TSHZ2: variants seen among roughly 807,000 people sequenced by gnomAD.
TSHZ2 encodes teashirt homolog 2.
Under a neutral mutation model 74.4 loss-of-function variants are expected in TSHZ2, and 21 were observed. That is an observed-to-expected ratio of 0.28 (90% confidence interval 0.20 to 0.41). The LOEUF (loss-of-function observed/expected upper bound fraction) is 0.41. TSHZ2 is among the 10% of genes least tolerant of loss of function. TSHZ2 has a pLI of 1.00. For missense variants in TSHZ2, 1,244 were observed against 1,293.5 expected, an observed-to-expected ratio of 0.96 and a Z score of 0.59; for synonymous variants, 540 against 515.3, an observed-to-expected ratio of 1.05 and a Z score of -0.65.
rs137977286 is a variant in TSHZ2 at position 53,019,162 on chromosome 20, T to C, written c.40+45829T>C. Among the ~76,000 whole-genome samples the C allele has an allele frequency of 1.6e-3, 243 of 152,300 alleles. 4 individuals carry two copies. Among genetic ancestry groups the C allele is most frequent in the African/African-American group, 5.7e-3 (235 of 41,574 alleles). On this transcript the variant is annotated intron_variant, in intron 1 of 2. Coordinates refer to ENST00000371497, the MANE Select transcript of TSHZ2 (RefSeq NM_173485.6). ...TAGGTTACAGGTCATGAACTATATA[T>C]GAAGGCCTGCAGTTCAAATGAGATC...
chr20:53,033,413 A>G (rs1027823059), intron 1 of TSHZ2, among the ~76,000 whole-genome samples: 1 of 152,132 alleles, frequency 6.6e-6, no homozygotes, highest in African/African-American at 2.4e-5. Context: ...AAAAGCGAAC[A>G]TAAGCTCTAC....
At chr20:53,145,576 G>C (rs1040843826) in intron 1 of TSHZ2, among the ~76,000 whole-genome samples, 1 of 152,196 alleles carries the variant, frequency 6.6e-6, no homozygotes, top group Non-Finnish European at 1.5e-5. Context: ...GAGCTTCCTT[G>C]TGCTGGGGAA....
chr20:53,218,175 C>G (rs1317305922), intron 1 of TSHZ2, among the ~76,000 whole-genome samples: 9 of 152,234 alleles, frequency 5.9e-5, no homozygotes, highest in African/African-American at 2.2e-4. Flanking sequence ...TTTCTAAAGA[C>G]TACGCCTATA....
At chr20:53,423,699 G>A (rs571764535) in intron 2 of TSHZ2, among the ~76,000 whole-genome samples, 48 of 152,208 alleles carry the variant, frequency 3.2e-4, no homozygotes, top group African/African-American at 8.7e-4. Flanking sequence ...ACCTCATTCC[G>A]CCCATGCAGC....
chr20:53,344,088 C>T (rs1265319499), intron 2 of TSHZ2, among the ~76,000 whole-genome samples: 2 of 152,072 alleles, frequency 1.3e-5, no homozygotes, highest in Non-Finnish European at 2.9e-5. Flanking sequence ...GTCTTTTCTC[C>T]TTGTAAATTG....
chr20:52,993,545 G>A (rs1312441707), intron 1 of TSHZ2, among the ~76,000 whole-genome samples: 1 of 152,156 alleles, frequency 6.6e-6, no homozygotes. Context: ...GAATCTGCCA[G>A]TGCACTCTGA....
At chr20:53,287,037 A>G (rs954230307) in intron 2 of TSHZ2, among the ~76,000 whole-genome samples, 5 of 152,070 alleles carry the variant, frequency 3.3e-5, no homozygotes, top group South Asian at 4.2e-4. Context: ...CGAATGCACA[A>G]TCGTAGTGCC....
Position 53,287,815 on chromosome 20 carries a change from C to G in TSHZ2, c.*8+31244C>G, listed in dbSNP as rs539150890. 1.5e-3 allele frequency among the ~76,000 whole-genome samples: 230 copies of G among 152,172 alleles called. 2 individuals are homozygous for G. The highest frequency in any genetic ancestry group is 5.3e-3 in the African/African-American group (220 of 41,526). On this transcript the variant is annotated intron_variant, in intron 2 of 2. Transcript: ENST00000371497. ...AGGAGTTAATATTTTTCTTATTCAA[C>G]CTGAATTTCTTGAGTTTTTAAAACT...
At position 53,417,253 on chromosome 20, in the gene TSHZ2, C is replaced by G. The variant is rs981558445; in HGVS notation, c.*9-69891C>G. On this transcript the variant is annotated intron_variant, in intron 2 of 2. Transcript: ENST00000371497. ...ACAGACACACACAGACACACACACA[C>G]ACACACACACACACACACACACACA... 2.3e-3 allele frequency among the ~76,000 whole-genome samples: 345 copies of G among 150,540 alleles called. 12 individuals are homozygous for G. In the East Asian group the frequency reaches 0.047, roughly 20 times the overall value.
chr20:53,254,071 T>C lies in TSHZ2; in HGVS notation c.613T>C (p.Cys205Arg). ...VQLYRQSSKMCGTVFTGASRF... is the reference protein window; with the variant it reads ...VQLYRQSSKMRGTVFTGASRF... ...GTTGTACCGACAGAGCAGCAAGATG[T>C]GCGGGACTGTGTTCACAGGGGCCAG... Residue 205 changes from cysteine (C) to arginine (R), a missense_variant, in exon 2 of 3, where the codon TGC becomes CGC. Physicochemically the swap from Cys to Arg is radical, Grantham distance 180. Transcript: ENST00000371497. 2 of 1,614,018 alleles carry C rather than the reference T, an allele frequency of 1.2e-6. No homozygotes were observed. Among genetic ancestry groups the C allele is most frequent in the South Asian group, 1.1e-5 (1 of 91,072 alleles).
At chr20:53,485,437 A>T (rs944865876) in intron 2 of TSHZ2, among the ~76,000 whole-genome samples, 2 of 152,054 alleles carry the variant, frequency 1.3e-5, no homozygotes, top group Non-Finnish European at 2.9e-5. Context: ...GGCCAGACAC[A>T]GTGGCTCACA....
At chr20:53,298,735 G>C (rs1212899341) in intron 2 of TSHZ2, among the ~76,000 whole-genome samples, 4 of 152,200 alleles carry the variant, frequency 2.6e-5, no homozygotes, top group Admixed American at 6.5e-5. Flanking sequence ...AACATACTGG[G>C]ATGCTACTGA....
At chr20:53,349,916 T>C (rs1212519407) in intron 2 of TSHZ2, among the ~76,000 whole-genome samples, 4 of 152,172 alleles carry the variant, frequency 2.6e-5, no homozygotes, top group African/African-American at 9.7e-5. Flanking sequence ...TCAGCAGAAT[T>C]GGTTCCTTCT....
At chr20:52,990,891 T>C (rs1270508448) in intron 1 of TSHZ2, among the ~76,000 whole-genome samples, 1 of 152,162 alleles carries the variant, frequency 6.6e-6, no homozygotes, top group Non-Finnish European at 1.5e-5. Flanking sequence ...TTGGGTCTAT[T>C]ACCTCTGCGT....
chr20:53,086,533 T>C (rs377337002), intron 1 of TSHZ2, among the ~76,000 whole-genome samples: 6 of 152,222 alleles, frequency 3.9e-5, no homozygotes, highest in African/African-American at 1.4e-4. Flanking sequence ...GTCTACCACA[T>C]TGGTTCTTTG....
intron 1 of TSHZ2, among the ~76,000 whole-genome samples, chr20:53,114,738 C>A (rs1265588822): frequency 6.6e-6 from 1 of 152,082 alleles, no homozygotes; most frequent in East Asian, 1.9e-4. Context: ...CACTGAAATT[C>A]TTTAGAGAGG....
chr20:53,212,334 G>C (rs145008323), intron 1 of TSHZ2, among the ~76,000 whole-genome samples: 1 of 152,182 alleles, frequency 6.6e-6, no homozygotes, highest in Non-Finnish European at 1.5e-5. Flanking sequence ...CTTGTCATAT[G>C]GTTTATTTAA....
intron 2 of TSHZ2, among the ~76,000 whole-genome samples, chr20:53,329,369 T>C (rs938974021): frequency 6.6e-6 from 1 of 152,230 alleles, no homozygotes; most frequent in African/African-American, 2.4e-5. Context: ...TTCTCTTTGC[T>C]TCCTACAAAG....
intron 1 of TSHZ2, among the ~76,000 whole-genome samples, chr20:53,011,574 C>A (rs1200456027): frequency 6.6e-6 from 1 of 152,104 alleles, no homozygotes; most frequent in East Asian, 1.9e-4. Context: ...AAACACATTT[C>A]TGAGATGATT....
Sources: allele counts gnomAD v4.1 joint callset (sites outside exome capture counted in the v4.1 genomes callset), GRCh38; gene constraint gnomAD v4.1.1; transcripts MANE v1.5; gene names NCBI Gene and HGNC (gene_info 2026-07-23, HGNC 2026-07-21).